Variants in RANBP2 observed in about 807,000 individuals in gnomAD.
RANBP2 encodes the protein RAN binding protein 2.
In RANBP2, 57 loss-of-function variants were observed where a neutral mutation model predicts 303.6. The observed-to-expected ratio is 0.19, with a 90% confidence interval of 0.15 to 0.23. The LOEUF is 0.23. Among genes scored for constraint, RANBP2 ranks in the 10% least tolerant of loss-of-function variants. The probability of loss-of-function intolerance (pLI) is 1.00; values close to 1 mark genes in which losing one functional copy is unlikely to be tolerated. For missense variants in RANBP2, 3,138 were observed against 3,780.8 expected (o/e 0.83, Z 4.46); for synonymous variants, 1,167 against 1,301.5 (o/e 0.90, Z 2.23).
the RANBP2 span, among the ~76,000 whole-genome samples, chr2:109,221,734 G>T: frequency 6.6e-6 from 1 of 152,216 alleles, no homozygotes; most frequent in South Asian, 2.1e-4. Context: ...GTGGAGAAAA[G>T]GGAACTCACA....
the RANBP2 span, among the ~76,000 whole-genome samples, chr2:109,093,784 GT>G: frequency 6.6e-6 from 1 of 151,850 alleles, no homozygotes; most frequent in Non-Finnish European, 1.5e-5. Flanking sequence ...GTTCTTCTCC[GT>G]TTTGTCTTCT....
the RANBP2 span, among the ~76,000 whole-genome samples, chr2:109,331,822 G>C: frequency 2.6e-5 from 4 of 152,298 alleles, no homozygotes; most frequent in South Asian, 2.1e-4. Context: ...CTCGTGTTCA[G>C]ATCTTTGCCA....
At chr2:108,865,027 G>A in the RANBP2 span, among the ~76,000 whole-genome samples, 108,351 of 151,964 alleles carry the variant, frequency 0.71, 41,639 homozygotes, top group East Asian at 0.9. Flanking sequence ...TGAAAAGTCT[G>A]CCTTCAGTTA....
At chr2:109,631,279 G>A in the RANBP2 span, among the ~76,000 whole-genome samples, 7 of 151,820 alleles carry the variant, frequency 4.6e-5, no homozygotes, top group South Asian at 8.4e-4. Flanking sequence ...CTACAACTGC[G>A]GATGCTCAGC....
chr2:109,722,116 C>T, the RANBP2 span, among the ~76,000 whole-genome samples: 3 of 152,120 alleles, frequency 2.0e-5, no homozygotes, highest in East Asian at 3.9e-4. Flanking sequence ...AGGTTAAAAT[C>T]GATTTTAGAG....
chr2:108,831,376 A>G, the RANBP2 span, among the ~76,000 whole-genome samples: 16 of 152,208 alleles, frequency 1.1e-4, no homozygotes. Context: ...TAGTAGGACA[A>G]AATATGCCAA....
the RANBP2 span, among the ~76,000 whole-genome samples, chr2:109,127,137 C>T: frequency 1.3e-5 from 2 of 152,192 alleles, no homozygotes; most frequent in Non-Finnish European, 2.9e-5. Context: ...AGATGGAAAT[C>T]CACATTGCTG....
At chr2:109,434,048 C>G in the RANBP2 span, among the ~76,000 whole-genome samples, 9 of 152,208 alleles carry the variant, frequency 5.9e-5, no homozygotes, top group Non-Finnish European at 1.2e-4. Context: ...AACAGGTTGG[C>G]TCTCTCAGCC....
chr2:109,433,219 A>G, the RANBP2 span, among the ~76,000 whole-genome samples: 1 of 152,260 alleles, frequency 6.6e-6, no homozygotes, highest in East Asian at 1.9e-4. Flanking sequence ...GTGTGTCATC[A>G]TATATAGACG....
the RANBP2 span, among the ~76,000 whole-genome samples, chr2:109,147,552 C>T: frequency 2.0e-5 from 3 of 152,244 alleles, no homozygotes; most frequent in East Asian, 1.9e-4. Context: ...AACATAGTAC[C>T]GTAAATGGTC....
chr2:109,295,005 T>G, the RANBP2 span, among the ~76,000 whole-genome samples: 1 of 152,260 alleles, frequency 6.6e-6, no homozygotes, highest in African/African-American at 2.4e-5. Flanking sequence ...TTTTCCAAGC[T>G]ATTCCATGGA....
chr2:109,004,010 A>G, the RANBP2 span, among the ~76,000 whole-genome samples: 2 of 152,206 alleles, frequency 1.3e-5, no homozygotes, highest in South Asian at 4.1e-4. Flanking sequence ...GATGACAGGC[A>G]TTGAGGGAAG....
At chr2:109,130,144 G>A in the RANBP2 span, 5 of 1,278,710 alleles carry the variant, frequency 3.9e-6, no homozygotes, top group Non-Finnish European at 4.9e-6. Flanking sequence ...AAGTGGCCAC[G>A]GCACGTGGGA....
chr2:108,892,741 T>G, the RANBP2 span, among the ~76,000 whole-genome samples: 2 of 152,180 alleles, frequency 1.3e-5, no homozygotes, highest in African/African-American at 4.8e-5. Flanking sequence ...AGTCTCTTAT[T>G]CACCCTTTCC....
the RANBP2 span, among the ~76,000 whole-genome samples, chr2:108,805,485 G>T: frequency 6.6e-6 from 1 of 152,058 alleles, no homozygotes. Context: ...CAGCACTTTG[G>T]GAGGCTGAGG....
the RANBP2 span, among the ~76,000 whole-genome samples, chr2:108,927,082 G>A: frequency 6.6e-6 from 1 of 152,206 alleles, no homozygotes; most frequent in Non-Finnish European, 1.5e-5. Context: ...GACTGGCAGT[G>A]AGGCTTTGAG....
At chr2:108,725,382 TAAC>T (rs1694617463) in intron 1 of RANBP2, among the ~76,000 whole-genome samples, 2 of 152,248 alleles carry the variant, frequency 1.3e-5, no homozygotes, top group Non-Finnish European at 2.9e-5. Flanking sequence ...TCTACTTTAA[TAAC>T]ATAGTTGGAA....
the RANBP2 span, among the ~76,000 whole-genome samples, chr2:109,467,824 C>T: frequency 3.9e-5 from 6 of 152,166 alleles, no homozygotes; most frequent in African/African-American, 1.2e-4. Context: ...AGGCTGCACA[C>T]GCAGAGGAAC....
At chr2:109,259,958 G>A in the RANBP2 span, among the ~76,000 whole-genome samples, 4 of 152,250 alleles carry the variant, frequency 2.6e-5, no homozygotes, top group African/African-American at 7.2e-5. Context: ...GTTCTCAGAC[G>A]CCCAGGGGTT....
Sources: gnomAD v4.1 joint callset for allele counts (sites outside exome capture counted in the v4.1 genomes callset) on GRCh38, gnomAD v4.1.1 for gene constraint, MANE v1.5 for transcripts, NCBI Gene and HGNC (gene_info 2026-07-23, HGNC 2026-07-21) for gene names.